SUMF1: variants seen among roughly 807,000 people sequenced by gnomAD.
SUMF1 encodes formylglycine-generating enzyme.
SUMF1 carries 48 observed loss-of-function variants against 47.6 expected under a neutral mutation model. That is an observed-to-expected ratio of 1.01 (90% confidence interval 0.80 to 1.28). SUMF1 has a LOEUF of 1.28. Among genes scored for constraint, SUMF1 ranks in the 50% most tolerant of loss-of-function variants. SUMF1 has a pLI of 0.00. For missense variants in SUMF1, 571 were observed against 485.4 expected, an observed-to-expected ratio of 1.18 and a Z score of -1.66; for synonymous variants, 230 against 192.1, an observed-to-expected ratio of 1.20 and a Z score of -1.63.
At position 4,184,399 on chromosome 3, in the gene SUMF1, G is replaced by A. The variant is rs574567319; in HGVS notation, c.1015-115654C>T. 1.3e-4 allele frequency among the ~76,000 whole-genome samples: 20 copies of A among 151,406 alleles called. 1 individual carries two copies. The South Asian group carries it at 4.2e-3, about 32-fold the overall frequency. ...TGAACCCAGGAGACGGAAGTTGCAGGGAGCCAAGATCATGCTGCTGCACTC... is the reference window on the plus strand; with the variant it reads ...TGAACCCAGGAGACGGAAGTTGCAGAGAGCCAAGATCATGCTGCTGCACTC... On this transcript the variant is annotated intron_variant and NMD_transcript_variant, in intron 8 of 12. Coordinates refer to the SUMF1 transcript ENST00000448413.
intron 8 of SUMF1, among the ~76,000 whole-genome samples, chr3:4,126,779 G>A (rs975481846): frequency 5.3e-5 from 8 of 152,108 alleles, no homozygotes; most frequent in African/African-American, 1.4e-4. Flanking sequence ...AAAGATATTT[G>A]AATTCATAAT....
intron 8 of SUMF1, chr3:4,316,786 T>C: frequency 3.2e-6 from 5 of 1,550,796 alleles, no homozygotes; most frequent in Non-Finnish European, 4.4e-6. Flanking sequence ...AAAAAGGTCA[T>C]GGTCACTATT....
rs1331642706 is a variant in SUMF1 at position 4,223,723 on chromosome 3, C to T, written c.1014+152607G>A. ...ATCACTGTCAAAAGTCTCCCTCTCTCCAAATGGTGATTATGTGTTGGGAAG... is the reference window on the plus strand; with the variant it reads ...ATCACTGTCAAAAGTCTCCCTCTCTTCAAATGGTGATTATGTGTTGGGAAG... On this transcript the variant is annotated intron_variant and NMD_transcript_variant, in intron 8 of 12. Coordinates refer to the SUMF1 transcript ENST00000448413. Among the ~76,000 whole-genome samples, 3 of 152,084 alleles carry T rather than the reference C, an allele frequency of 2.0e-5. No individual in the cohort carries two copies. In the South Asian group the frequency reaches 6.2e-4, roughly 31 times the overall value.
At chr3:4,231,550 A>G (rs1274089448) in intron 8 of SUMF1, among the ~76,000 whole-genome samples, 4 of 152,206 alleles carry the variant, frequency 2.6e-5, no homozygotes, top group Non-Finnish European at 5.9e-5. Flanking sequence ...TTTGAAGAGC[A>G]GGTCACAGAG....
At chr3:4,323,290 G>A (rs1698875926) in intron 8 of SUMF1, among the ~76,000 whole-genome samples, 1 of 152,132 alleles carries the variant, frequency 6.6e-6, no homozygotes. Flanking sequence ...GGACACAACA[G>A]GTCACATTTG....
intron 8 of SUMF1, among the ~76,000 whole-genome samples, chr3:4,330,135 C>G (rs1226668208): frequency 6.6e-6 from 1 of 152,192 alleles, no homozygotes; most frequent in African/African-American, 2.4e-5. Context: ...GCATTTTGGT[C>G]AAAGCCATTC....
chr3:4,419,025 A>C (rs942960493), intron 4 of SUMF1, among the ~76,000 whole-genome samples: 1 of 152,188 alleles, frequency 6.6e-6, no homozygotes. Flanking sequence ...ACATCTACTG[A>C]GTACCTATCA....
intron 8 of SUMF1, among the ~76,000 whole-genome samples, chr3:4,262,774 T>C (rs1226277289): frequency 1.3e-5 from 2 of 152,126 alleles, no homozygotes; most frequent in Non-Finnish European, 2.9e-5. Flanking sequence ...GTGATGCAAC[T>C]GTCCATGAGG....
rs115253698 is a variant in SUMF1, at chr3:4,245,888, T to C, written c.1014+130442A>G. Among the ~76,000 whole-genome samples, 828 of 152,318 alleles carry C rather than the reference T, an allele frequency of 5.4e-3. 7 individuals carry two copies. Among genetic ancestry groups the C allele is most frequent in the African/African-American group, 0.018 (753 of 41,572 alleles). On this transcript the variant is annotated intron_variant and NMD_transcript_variant, in intron 8 of 12. Transcript: ENST00000448413. ...GGCAGTAGCCCTTGCTGAGCTGTAA[T>C]GTGCTCCACCCAGTTCGAGCTTCCC...
chr3:4,222,988 G>A (rs1260270623), intron 8 of SUMF1, among the ~76,000 whole-genome samples: 1 of 152,096 alleles, frequency 6.6e-6, no homozygotes, highest in Non-Finnish European at 1.5e-5. Flanking sequence ...ATCTGCATAG[G>A]ATGAGGGTGT....
intron 8 of SUMF1, among the ~76,000 whole-genome samples, chr3:4,091,346 A>G (rs1388900435): frequency 1.3e-5 from 2 of 152,084 alleles, no homozygotes; most frequent in Non-Finnish European, 2.9e-5. Flanking sequence ...TGAACATGAT[A>G]GTGGCTCCAT....
At chr3:4,043,267 C>G (rs75089245) in intron 9 of SUMF1, among the ~76,000 whole-genome samples, 197 of 152,220 alleles carry the variant, frequency 1.3e-3, no homozygotes, top group African/African-American at 4.6e-3. Context: ...CCTGGCACCT[C>G]GTCCTCTCTT....
At chr3:4,187,649 A>G (rs1446035146) in intron 8 of SUMF1, among the ~76,000 whole-genome samples, 1 of 152,202 alleles carries the variant, frequency 6.6e-6, no homozygotes, top group African/African-American at 2.4e-5. Context: ...TGCAGCAAGT[A>G]TAAATAATCC....
chr3:4,325,694 C>T (rs1227342149), intron 8 of SUMF1, among the ~76,000 whole-genome samples: 1 of 152,038 alleles, frequency 6.6e-6, no homozygotes, highest in Non-Finnish European at 1.5e-5. Flanking sequence ...GTCTGGAGGG[C>T]TTTAAGGAAA....
chr3:4,081,176 G>A (rs1351206108), intron 8 of SUMF1, among the ~76,000 whole-genome samples: 1 of 152,096 alleles, frequency 6.6e-6, no homozygotes, highest in Non-Finnish European at 1.5e-5. Flanking sequence ...AAGAGCTGTT[G>A]CCTAAAGTAA....
intron 1 of SUMF1, among the ~76,000 whole-genome samples, chr3:4,456,707 TATATATATAC>T (rs1317388255): frequency 1.9e-5 from 2 of 106,988 alleles, no homozygotes; most frequent in African/African-American, 4.2e-5. Context: ...TATATATACG[TATATATATAC>T]ATATATATAC....
At chr3:4,318,973 C>A (rs1349854513) in intron 8 of SUMF1, among the ~76,000 whole-genome samples, 1 of 152,120 alleles carries the variant, frequency 6.6e-6, no homozygotes, top group Non-Finnish European at 1.5e-5. Flanking sequence ...GGCAAAAGGT[C>A]TGAATAGACA....
chr3:4,313,986 T>C, intron 8 of SUMF1: 1 of 795,472 alleles, frequency 1.3e-6, no homozygotes, highest in Non-Finnish European at 1.9e-6. Flanking sequence ...TCTTAGTGAC[T>C]GTTCTAGTTA....
At chr3:4,321,816 T>C (rs1698842612) in intron 8 of SUMF1, among the ~76,000 whole-genome samples, 1 of 151,994 alleles carries the variant, frequency 6.6e-6, no homozygotes, top group Non-Finnish European at 1.5e-5. Flanking sequence ...CCAAAGAGTG[T>C]AGAATGGAAA....
Sources: gnomAD v4.1 joint callset for allele counts (sites outside exome capture counted in the v4.1 genomes callset) on GRCh38, gnomAD v4.1.1 for gene constraint, MANE v1.5 for transcripts, NCBI Gene and HGNC (gene_info 2026-07-23, HGNC 2026-07-21) for gene names.